The following RUFY2 variants were observed in gnomAD, a reference collection of about 807,000 sequenced individuals.
RUFY2 encodes RUN and FYVE domain-containing protein 2.
In RUFY2, 49 loss-of-function variants were observed where a neutral mutation model predicts 94.4. The ratio of observed to expected loss-of-function variants is 0.52; its 90% CI spans 0.41 to 0.66. The LOEUF is 0.66. RUFY2 is among the 30% of genes least tolerant of loss of function. RUFY2 has a pLI of 0.00. For missense variants in RUFY2, 541 were observed against 692.8 expected (o/e 0.78, Z 2.46); for synonymous variants, 255 against 235.7 (o/e 1.08, Z -0.75).
At chr10:68,342,843 T>G (rs1207343557), downstream of RUFY2, 1 of 152,562 alleles carries the variant, frequency 6.6e-6, no homozygotes, top group African/African-American at 2.4e-5. Context: ...AGGTATTTAC[T>G]ATGGAGTATA....
At chr10:68,379,170 A>G in intron 12 of RUFY2, 1 of 355,546 alleles carries the variant, frequency 2.8e-6, no homozygotes, top group South Asian at 6.5e-5. Context: ...TATGTAACTG[A>G]ACGACATGAA....
At chr10:68,377,990 A>T in intron 12 of RUFY2, 1 of 985,374 alleles carries the variant, frequency 1.0e-6, no homozygotes, top group Non-Finnish European at 1.2e-6. Context: ...AGGTGCTGGG[A>T]TTGGACCCAA....
At chr10:68,380,470 C>A (rs144247964) in intron 11 of RUFY2, among the ~76,000 whole-genome samples, 175 of 151,704 alleles carry the variant, frequency 1.2e-3, no homozygotes, top group African/African-American at 4.0e-3. Flanking sequence ...TGGAAGATGA[C>A]AGAATACACT....
At chr10:68,369,281 T>C (rs1468280104) in intron 13 of RUFY2, among the ~76,000 whole-genome samples, 1 of 152,022 alleles carries the variant, frequency 6.6e-6, no homozygotes, top group Non-Finnish European at 1.5e-5. Flanking sequence ...GGTCAGGAGT[T>C]TGAGACCAGC....
chr10:68,379,573 G>T (rs761900310), intron 11 of RUFY2, 52 bp from the exon 12 acceptor site: 7 of 862,796 alleles, frequency 8.1e-6, no homozygotes, highest in South Asian at 3.6e-5. Flanking sequence ...GTGTGTGTTT[G>T]TGTGTGTGTG....
At chr10:68,379,561 G>T in intron 11 of RUFY2, 40 bp from the exon 12 acceptor site, 1 of 1,447,044 alleles carries the variant, frequency 6.9e-7, no homozygotes, top group Non-Finnish European at 9.7e-7. Flanking sequence ...TTTGATTTGT[G>T]TGTGTGTGTT....
At chr10:68,380,095 A>G (rs1275405238) in intron 11 of RUFY2, among the ~76,000 whole-genome samples, 1 of 148,820 alleles carries the variant, frequency 6.7e-6, no homozygotes, top group Non-Finnish European at 1.5e-5. Context: ...GGCATGAGCC[A>G]CCGCACACGG....
intron 4 of RUFY2, among the ~76,000 whole-genome samples, chr10:68,395,414 C>T (rs1386556424): frequency 6.6e-6 from 1 of 151,746 alleles, no homozygotes; most frequent in African/African-American, 2.4e-5. Flanking sequence ...GTGACTGCTG[C>T]TGATCTGATT....
At chr10:68,347,667 T>C (rs1229375154) in intron 16 of RUFY2, among the ~76,000 whole-genome samples, 1 of 152,118 alleles carries the variant, frequency 6.6e-6, no homozygotes, top group African/African-American at 2.4e-5. Context: ...CTTTGTTAGA[T>C]GATTATCAGT....
intron 12 of RUFY2, chr10:68,378,616 A>G: frequency 6.2e-7 from 1 of 1,613,162 alleles, no homozygotes; most frequent in Non-Finnish European, 8.5e-7. Flanking sequence ...CACTGCTGGC[A>G]CATTTCACCA....
Position 68,345,253 on chromosome 10 carries a change from C to T in RUFY2, c.*515G>A. 1 of 185,988 alleles carries T rather than the reference C, an allele frequency of 5.4e-6. No homozygotes were observed. Among genetic ancestry groups the T allele is most frequent in the Non-Finnish European group, 1.1e-5 (1 of 91,024 alleles). The allele number at this position is 185,988 out of a possible 1,614,324, so 11.5% of individuals were successfully genotyped here. A position where few individuals can be genotyped will look rare whatever the true frequency, so the allele number is the denominator to read the frequency against. On this transcript the variant is annotated 3_prime_UTR_variant, in exon 18 of 18. Transcript: ENST00000602465. Reference sequence around the variant, plus strand: ...AATTTTGTAGGACAAAATATTGGCCCTGTCTAATGCAAGAGGCAAAGGGAG... The same window carrying T: ...AATTTTGTAGGACAAAATATTGGCCTTGTCTAATGCAAGAGGCAAAGGGAG...
intron 7 of RUFY2, among the ~76,000 whole-genome samples, chr10:68,391,633 AAC>A (rs1476196648): frequency 1.3e-5 from 2 of 148,650 alleles, no homozygotes; most frequent in Non-Finnish European, 3.0e-5. Context: ...CAGCCTGGGC[AAC>A]AGAGTGAGAC....
At chr10:68,398,931 ATTTTTG>A (rs1330533827) in intron 3 of RUFY2, among the ~76,000 whole-genome samples, 1 of 152,064 alleles carries the variant, frequency 6.6e-6, no homozygotes, top group Non-Finnish European at 1.5e-5. Context: ...CAAATCTTAC[ATTTTTG>A]TTTTTGAGAG....
intron 11 of RUFY2, 111 bp from the exon 12 acceptor site, chr10:68,379,632 G>T: frequency 1.5e-6 from 1 of 675,898 alleles, no homozygotes; most frequent in Non-Finnish European, 2.4e-6. Context: ...GCCCAGGTTG[G>T]ATTTGAACTT....
At chr10:68,345,943 C>A (rs776887823) in intron 17 of RUFY2, 32 bp from the exon 18 acceptor site, 3 of 1,612,282 alleles carry the variant, frequency 1.9e-6, no homozygotes, top group Middle Eastern at 1.7e-4. Context: ...GGGAAAAAAA[C>A]ACTTTAAATA....
Position 68,345,373 on chromosome 10 carries a change from T to A in RUFY2, c.*395A>T, listed in dbSNP as rs188451511. On this transcript the variant is annotated 3_prime_UTR_variant, in exon 18 of 18. Transcript: ENST00000602465. Reference sequence around the variant, plus strand: ...AATATTAATAATTTTAAAAGTTTTATGCGTTTCCAGTTTCAGAACTGTGAA... The same window carrying A: ...AATATTAATAATTTTAAAAGTTTTAAGCGTTTCCAGTTTCAGAACTGTGAA... 60 of 385,988 alleles carry A rather than the reference T, an allele frequency of 1.6e-4. 1 individual carries two copies. Among genetic ancestry groups the A allele is most frequent in the African/African-American group, 1.1e-3 (55 of 48,518 alleles). The allele number at this position is 385,988 out of a possible 1,614,324, so 23.9% of individuals were successfully genotyped here. A position where few individuals can be genotyped will look rare whatever the true frequency, so the allele number is the denominator to read the frequency against.
chr10:68,379,793 T>C lies in RUFY2; in HGVS notation c.1108-272A>G, dbSNP rs2048911279. On this transcript the variant is annotated intron_variant, in intron 11 of 17. Coordinates refer to ENST00000602465, the MANE Select transcript of RUFY2 (RefSeq NM_001330103.2). ...TATACATTAAAATAATTGTGTGATATAAAGCAGTGCTATTAGTCATTTTTT... is the reference window on the plus strand; with the variant it reads ...TATACATTAAAATAATTGTGTGATACAAAGCAGTGCTATTAGTCATTTTTT... 2.0e-5 allele frequency among the ~76,000 whole-genome samples: 3 copies of C among 151,818 alleles called. No individual in the cohort carries two copies. The Admixed American group carries it at 2.0e-4, about 10-fold the overall frequency.
intron 13 of RUFY2, among the ~76,000 whole-genome samples, chr10:68,373,090 T>TA (rs1421391597): frequency 6.6e-6 from 1 of 152,166 alleles, no homozygotes; most frequent in African/African-American, 2.4e-5. Context: ...AAGAGATAAT[T>TA]AAGCAAATTA....
Position 68,376,869 on chromosome 10 carries a change from G to A in RUFY2, c.1309C>T (p.Gln437Ter). The A allele has an allele frequency of 6.2e-7, 1 of 1,613,504 alleles. No individual in the cohort carries two copies. The highest frequency in any genetic ancestry group is 8.5e-7 in the Non-Finnish European group (1 of 1,179,720). Residue 437 changes from glutamine to a stop codon, truncating the protein, a stop_gained, in exon 13 of 18, where the codon CAA becomes TAA. Coordinates refer to ENST00000602465, the MANE Select transcript of RUFY2 (RefSeq NM_001330103.2). LOFTEE classifies it high-confidence loss of function. ...AATACTCACAGCTGTTTCTCCTTTT[G>A]GGAGATTTGTTTCTGCAGACTATCA... ...KSDSLQKQIS[Q>*]KEKQLVQLET...
Sources: gnomAD v4.1 joint callset for allele counts (sites outside exome capture counted in the v4.1 genomes callset) on GRCh38, gnomAD v4.1.1 for gene constraint, MANE v1.5 for transcripts, NCBI Gene and HGNC (gene_info 2026-07-23, HGNC 2026-07-21) for gene names.